FRMPD2: variants seen among roughly 807,000 people sequenced by gnomAD.
FRMPD2 encodes FERM and PDZ domain containing 2, also known as FERM and PDZ domain-containing protein 2.
FRMPD2 carries 96 observed loss-of-function variants against 140.1 expected under a neutral mutation model. That is an observed-to-expected ratio of 0.69 (90% CI 0.58 to 0.81). The LOEUF (loss-of-function observed/expected upper bound fraction) is 0.81, where lower values mean the gene tolerates loss of function less well. FRMPD2 is among the 40% of genes least tolerant of loss of function. The pLI is 0.00. For synonymous variants in FRMPD2, 449 were observed against 547.6 expected, an observed-to-expected ratio of 0.82 and a Z score of 2.52; for missense variants, 1,240 against 1,447.4, an observed-to-expected ratio of 0.86 and a Z score of 2.32.
At position 48,222,330 on chromosome 10, in the gene FRMPD2, C is replaced by T. The variant is rs767736871; in HGVS notation, c.1438G>A (p.Gly480Ser). The change falls in exon 12 of 29, where the codon GGC (glycine) becomes AGC (serine). Residue 480 changes from glycine (G) to serine (S), a missense_variant. Around this residue, in one of 6 missense-constraint regions of FRMPD2, gnomAD observed 1,161 missense variants for 1,055.9 expected, o/e 1.10. Transcript: ENST00000374201. ...ACCCCTACCTCCTTAGGGTAATTGCCAAACTCAGCCTGCAAGGCAAGGACC... is the reference window on the plus strand; with the variant it reads ...ACCCCTACCTCCTTAGGGTAATTGCTAAACTCAGCCTGCAAGGCAAGGACC... ...LGVLALQAEF[G>S]NYPKEQVESK... The T allele has an allele frequency of 3.7e-6, 6 of 1,614,058 alleles. No individual in the cohort carries two copies. In the South Asian group the frequency reaches 6.6e-5, roughly 18 times the overall value.
At chr10:48,244,358 G>A (rs1262776924) in intron 4 of FRMPD2, among the ~76,000 whole-genome samples, 3 of 152,226 alleles carry the variant, frequency 2.0e-5, no homozygotes, top group African/African-American at 7.2e-5. Flanking sequence ...ATCTTTGAGA[G>A]GGAGATATTG....
intron 21 of FRMPD2, among the ~76,000 whole-genome samples, chr10:48,179,677 A>G (rs1238848867): frequency 1.3e-5 from 2 of 151,914 alleles, no homozygotes; most frequent in Admixed American, 1.3e-4. Flanking sequence ...TGAAGCTAAG[A>G]TGAGTAGAAG....
At position 48,259,655 on chromosome 10, in the gene FRMPD2, TGTGA is replaced by T. The variant is rs202162256; in HGVS notation, c.26-7968_26-7965del. On this transcript the variant is annotated intron_variant, in intron 1 of 28. Coordinates refer to ENST00000374201, the MANE Select transcript of FRMPD2 (RefSeq NM_001018071.4). ...GTGTAAGTGTGTGTGTGTGTGTGTGTGTGAGTATACACACATACACATTTTTTTT... is the reference window on the plus strand; with the variant it reads ...GTGTAAGTGTGTGTGTGTGTGTGTGTGTATACACACATACACATTTTTTTT... Among the ~76,000 whole-genome samples the T allele has an allele frequency of 6.6e-3, 986 of 150,134 alleles. 11 individuals are homozygous for T. The highest frequency in any genetic ancestry group is 0.023 in the African/African-American group (937 of 40,238).
intron 12 of FRMPD2, among the ~76,000 whole-genome samples, chr10:48,217,447 G>A (rs527557685): frequency 3.9e-4 from 60 of 152,276 alleles, no homozygotes; most frequent in African/African-American, 1.1e-3. Context: ...AAGCTGTACC[G>A]GGAGGAAAGC....
rs1425535023 is a variant in FRMPD2, at chr10:48,170,980, A to G, written c.3438+14T>C. 5 of 727,438 alleles carry G rather than the reference A, an allele frequency of 6.9e-6. No homozygotes were observed. The African/African-American group carries it at 7.0e-5, about 10-fold the overall frequency. The allele number at this position is 727,438 out of a possible 1,614,324, so 45.1% of individuals were successfully genotyped here. A position where few individuals can be genotyped will look rare whatever the true frequency, so the allele number is the denominator to read the frequency against. On this transcript the variant is annotated intron_variant, in intron 26 of 28. Coordinates refer to ENST00000374201, the MANE Select transcript of FRMPD2 (RefSeq NM_001018071.4). The stretch of plus-strand genomic sequence containing the variant: ...GCCTGCACAGAGAGCTGCATTGCCC[A>G]TGACCCCCGGCACCTGGAAGATGAG...
intron 1 of FRMPD2, among the ~76,000 whole-genome samples, chr10:48,254,127 G>A (rs1840444044): frequency 6.6e-6 from 1 of 151,958 alleles, no homozygotes; most frequent in Admixed American, 6.6e-5. Context: ...AGAAGGAAAT[G>A]TGTGCATTCC....
chr10:48,265,373 A>T (rs1375221600), intron 1 of FRMPD2, among the ~76,000 whole-genome samples: 1 of 152,186 alleles, frequency 6.6e-6, no homozygotes, highest in African/African-American at 2.4e-5. Flanking sequence ...AATGGAATCT[A>T]ATTAAACTAA....
Position 48,251,615 on chromosome 10 carries a change from C to G in FRMPD2, c.102G>C (p.Trp34Cys). The part of the protein sequence containing the change: ...RGEALSEEEI[W>C]SLLFLAAEQL... ...GCTCAGCGGCCAGGAACAGGAGGGA[C>G]CAGATTTCCTCCTCAGACAGAGCTT... Residue 34 changes from tryptophan to cysteine, a missense_variant, in exon 2 of 29, where the codon TGG becomes TGC. Coordinates refer to ENST00000374201, the MANE Select transcript of FRMPD2 (RefSeq NM_001018071.4). The G allele has an allele frequency of 6.2e-7, 1 of 1,614,174 alleles. No homozygotes were observed. Among genetic ancestry groups the G allele is most frequent in the Non-Finnish European group, 8.5e-7 (1 of 1,179,998 alleles).
chr10:48,185,569 G>T lies in FRMPD2; in HGVS notation c.2343C>A (p.Asp781Glu). Residue 781 changes from aspartate (D) to glutamate (E), a missense_variant, in exon 18 of 29, where the codon GAC becomes GAA. By Grantham distance (45) the Asp-to-Glu change is conservative. Around this residue, in one of 6 missense-constraint regions of FRMPD2, gnomAD observed 1,161 missense variants for 1,055.9 expected, o/e 1.10. Coordinates refer to ENST00000374201, the MANE Select transcript of FRMPD2 (RefSeq NM_001018071.4). ...REIVRVTLKR[D>E]PHRGFGFVIN... ...CCCTCTTACCAAAACCACGATGTGG[G>T]TCACGTTTCAGTGTCACACGTACAA... 1 of 1,613,884 alleles carries T rather than the reference G, an allele frequency of 6.2e-7. No individual in the cohort carries two copies. Among genetic ancestry groups the T allele is most frequent in the Non-Finnish European group, 8.5e-7 (1 of 1,179,802 alleles).
In FRMPD2 at chr10:48,177,886, A is replaced by G. The variant is rs1433820035; in HGVS notation, c.2895+161T>C. On this transcript the variant is annotated intron_variant, in intron 22 of 28. Transcript: ENST00000374201. ...TCCCCAGTACCTCTGTTTGTCTCTG[A>G]ACTCATCCCCCAGTGCAGGCCCCCA... is the stretch of plus-strand genomic sequence containing the variant. The G allele has an allele frequency of 5.6e-6, 3 of 532,342 alleles. No homozygotes were observed. In the Admixed American group the frequency reaches 9.0e-5, roughly 16 times the overall value. The allele number at this position is 532,342 out of a possible 1,614,324, so 33.0% of individuals were successfully genotyped here.
chr10:48,247,736 C>A (rs1470461239), intron 3 of FRMPD2, among the ~76,000 whole-genome samples: 2 of 152,220 alleles, frequency 1.3e-5, no homozygotes, highest in Non-Finnish European at 2.9e-5. Flanking sequence ...ACAGAAATCC[C>A]AGTCCCAGGG....
rs771865902 is a variant in FRMPD2 at position 48,223,306 on chromosome 10, C to A, written c.1169-36G>T. 61 of 1,591,770 alleles carry A rather than the reference C, an allele frequency of 3.8e-5. No homozygotes were observed. The Admixed American group carries it at 1.0e-3, about 27-fold the overall frequency. The stretch of plus-strand genomic sequence containing the variant: ...AATAGAGCATGTGTGGAAGGAGAAG[C>A]AGTAGGGATTGCACCATCTCTCAGA... On this transcript the variant is annotated intron_variant, in intron 10 of 28. Coordinates refer to ENST00000374201, the MANE Select transcript of FRMPD2 (RefSeq NM_001018071.4).
At chr10:48,245,439 C>G (rs1840223876) in intron 3 of FRMPD2, among the ~76,000 whole-genome samples, 1 of 152,208 alleles carries the variant, frequency 6.6e-6, no homozygotes, top group Non-Finnish European at 1.5e-5. Context: ...CATATCTTGT[C>G]AAGAAGCAAA....
At chr10:48,213,838 C>T (rs924129470) in intron 12 of FRMPD2, among the ~76,000 whole-genome samples, 1 of 152,060 alleles carries the variant, frequency 6.6e-6, no homozygotes, top group African/African-American at 2.4e-5. Flanking sequence ...AAGTGGAGCA[C>T]AGAGGATTTT....
At chr10:48,206,615 TAACA>T (rs1368916406) in intron 14 of FRMPD2, 129 bp downstream of exon 14, 2 of 705,776 alleles carry the variant, frequency 2.8e-6, no homozygotes, top group Non-Finnish European at 2.4e-6. Flanking sequence ...GAATGCAGGT[TAACA>T]AACAGACAGG....
chr10:48,202,809 C>T (rs570434556), intron 14 of FRMPD2, among the ~76,000 whole-genome samples: 1 of 152,214 alleles, frequency 6.6e-6, no homozygotes, highest in African/African-American at 2.4e-5. Context: ...GAATAAGTCA[C>T]TCTTTTTTTG....
intron 12 of FRMPD2, among the ~76,000 whole-genome samples, chr10:48,219,083 A>C (rs1012596203): frequency 2.0e-5 from 3 of 152,142 alleles, no homozygotes; most frequent in Admixed American, 6.5e-5. Flanking sequence ...TGAAAGGTAT[A>C]TAAGGTTGAG....
chr10:48,220,754 C>G, intron 12 of FRMPD2, among the ~76,000 whole-genome samples: 1 of 152,044 alleles, frequency 6.6e-6, no homozygotes, highest in East Asian at 1.9e-4. Context: ...AAAAAGCAAA[C>G]GATTTCATCA....
chr10:48,190,313 A>G (rs887713533), intron 16 of FRMPD2, among the ~76,000 whole-genome samples: 1 of 151,980 alleles, frequency 6.6e-6, no homozygotes, highest in African/African-American at 2.4e-5. Flanking sequence ...CACCCCCACT[A>G]TTCCCACCTT....
Sources: gnomAD v4.1 joint callset for allele counts (sites outside exome capture counted in the v4.1 genomes callset) on GRCh38, gnomAD v4.1.1 for gene constraint, gnomAD v4.1.1 regional missense constraint, MANE v1.5 for transcripts, NCBI Gene and HGNC (gene_info 2026-07-23, HGNC 2026-07-21) for gene names.